The following PRKG1 variants were observed in gnomAD, a reference collection of about 807,000 sequenced individuals.
The protein encoded by PRKG1 is cGMP-dependent protein kinase 1.
A neutral mutation model predicts 88.1 loss-of-function variants in PRKG1; 35 were observed. That is an observed-to-expected ratio of 0.40 (90% CI 0.30 to 0.53). The LOEUF (loss-of-function observed/expected upper bound fraction) is 0.53. PRKG1 is among the 20% of genes least tolerant of loss of function. PRKG1 has a pLI of 0.59. For missense variants in PRKG1, 540 were observed against 839.8 expected (o/e 0.64, Z 4.41); for synonymous variants, 303 against 292.5 (o/e 1.04, Z -0.37).
At position 51,412,215 on chromosome 10, in the gene PRKG1, A is replaced by AGAGAGAGAGAGAGAGAG. The variant is rs1564483266; in HGVS notation, c.479-55508_479-55507insGAGAGAGAGAGAGAGAG. Among the ~76,000 whole-genome samples the AGAGAGAGAGAGAGAGAG allele has an allele frequency of 1.6e-4, 19 of 120,246 alleles. 2 individuals are homozygous for AGAGAGAGAGAGAGAGAG. The highest frequency in any genetic ancestry group is 7.6e-4 in the African/African-American group (19 of 24,986). 78.9% of individuals were successfully genotyped at this position (120,246 alleles called of 152,430 possible). A position where few individuals can be genotyped will look rare whatever the true frequency, so the allele number is the denominator to read the frequency against. On this transcript the variant is annotated intron_variant, in intron 2 of 17. Coordinates refer to ENST00000373980, the MANE Select transcript of PRKG1 (RefSeq NM_006258.4). ...AGAGAGAGAGAGAGAGAGAGAGAGA[A>AGAGAGAGAGAGAGAGAG]AGAAAGAGAGAAAGAATTGTTCAGA...
chr10:52,113,868 C>T (rs1847625145), intron 7 of PRKG1, among the ~76,000 whole-genome samples: 1 of 152,130 alleles, frequency 6.6e-6, no homozygotes, highest in Admixed American at 6.6e-5. Flanking sequence ...ATCTATTGAG[C>T]ACTGTCTTGT....
At position 51,606,723 on chromosome 10, in the gene PRKG1, C is replaced by T. The variant is rs572587590; in HGVS notation, c.592+138887C>T. Among the ~76,000 whole-genome samples the T allele has an allele frequency of 4.6e-5, 7 of 152,160 alleles. No homozygotes were observed. The East Asian group carries it at 9.6e-4, about 21-fold the overall frequency. Reference sequence around the variant, plus strand: ...AGGGAGATGTTTTATTTTGGTAAAGCGCGTCTTCTATCATCATTTCTTAAA... The same window carrying T: ...AGGGAGATGTTTTATTTTGGTAAAGTGCGTCTTCTATCATCATTTCTTAAA... On this transcript the variant is annotated intron_variant, in intron 3 of 17. Coordinates refer to ENST00000373980, the MANE Select transcript of PRKG1 (RefSeq NM_006258.4).
At chr10:51,959,189 A>G (rs1262862007) in intron 5 of PRKG1, among the ~76,000 whole-genome samples, 1 of 152,182 alleles carries the variant, frequency 6.6e-6, no homozygotes, top group African/African-American at 2.4e-5. Flanking sequence ...TCTCTCATAG[A>G]CTAGACACTC....
At chr10:51,230,091 T>G (rs897855080) in intron 2 of PRKG1, among the ~76,000 whole-genome samples, 1 of 152,120 alleles carries the variant, frequency 6.6e-6, no homozygotes, top group East Asian at 1.9e-4. Flanking sequence ...TTAGTAATAA[T>G]AAAAACTAGA....
At chr10:51,933,217 G>A (rs569327854) in intron 5 of PRKG1, among the ~76,000 whole-genome samples, 2 of 152,260 alleles carry the variant, frequency 1.3e-5, no homozygotes, top group Non-Finnish European at 2.9e-5. Flanking sequence ...AGCTCTTGCT[G>A]TGCAGGAATA....
At chr10:51,381,851 C>T (rs1023817056) in intron 2 of PRKG1, among the ~76,000 whole-genome samples, 1 of 152,128 alleles carries the variant, frequency 6.6e-6, no homozygotes, top group African/African-American at 2.4e-5. Flanking sequence ...CATGGAAGTC[C>T]TATCATACAA....
At position 52,043,843 on chromosome 10, in the gene PRKG1, A is replaced by C. The variant is rs945231852; in HGVS notation, c.763-10641A>C. Among the ~76,000 whole-genome samples, 4 of 150,926 alleles carry C rather than the reference A, an allele frequency of 2.7e-5. No homozygotes were observed. In the South Asian group the frequency reaches 8.5e-4, roughly 32 times the overall value. ...CATCAATTAAAAGAAAAACTTAAAAAATTTTGGAAAAAAAAACCAAGGATT... is the reference window on the plus strand; with the variant it reads ...CATCAATTAAAAGAAAAACTTAAAACATTTTGGAAAAAAAAACCAAGGATT... On this transcript the variant is annotated intron_variant, in intron 5 of 17. Transcript: ENST00000373980.
At chr10:51,276,666 G>A (rs1219452599) in intron 2 of PRKG1, among the ~76,000 whole-genome samples, 1 of 152,238 alleles carries the variant, frequency 6.6e-6, no homozygotes. Context: ...TCTAACTGGT[G>A]TGAGATGGTA....
At position 52,298,007 on chromosome 10, in the gene PRKG1, G is replaced by A. The variant is rs1257050818; in HGVS notation, c.*4107G>A. The A allele has an allele frequency of 6.6e-6, 1 of 152,132 alleles. No individual in the cohort carries two copies. Among genetic ancestry groups the A allele is most frequent in the African/African-American group, 2.4e-5 (1 of 41,424 alleles). The allele number at this position is 152,132 out of a possible 1,614,324, so 9.4% of individuals were successfully genotyped here. On this transcript the variant is annotated 3_prime_UTR_variant, in exon 18 of 18. Coordinates refer to ENST00000373980, the MANE Select transcript of PRKG1 (RefSeq NM_006258.4). ...CTGGGACCTTGGCAATGACTCAGAG[G>A]TTGGGGCTTTCTGAGTAAAGGGACA...
At chr10:51,546,754 G>T (rs1156371346) in intron 3 of PRKG1, among the ~76,000 whole-genome samples, 2 of 151,994 alleles carry the variant, frequency 1.3e-5, no homozygotes, top group African/African-American at 2.4e-5. Context: ...CTTATCCACA[G>T]TTTTATCTGT....
At chr10:51,875,097 A>C (rs1841260242) in intron 4 of PRKG1, among the ~76,000 whole-genome samples, 1 of 152,166 alleles carries the variant, frequency 6.6e-6, no homozygotes. Flanking sequence ...GATTAGAAGA[A>C]AACAACATAA....
intron 3 of PRKG1, among the ~76,000 whole-genome samples, chr10:51,726,317 T>C (rs992118106): frequency 4.6e-5 from 7 of 152,234 alleles, no homozygotes; most frequent in South Asian, 2.1e-4. Flanking sequence ...ATTTTATGCA[T>C]TTTTGGCAAA....
At chr10:51,987,258 G>A (rs1030047283) in intron 5 of PRKG1, among the ~76,000 whole-genome samples, 1 of 151,696 alleles carries the variant, frequency 6.6e-6, no homozygotes, top group Non-Finnish European at 1.5e-5. Context: ...GTTCAATGAT[G>A]TATGTACTTT....
At chr10:51,408,740 C>T (rs927859536) in intron 2 of PRKG1, among the ~76,000 whole-genome samples, 1 of 152,192 alleles carries the variant, frequency 6.6e-6, no homozygotes, top group African/African-American at 2.4e-5. Context: ...GCCACCATGG[C>T]CACTTTGTTC....
intron 3 of PRKG1, among the ~76,000 whole-genome samples, chr10:51,694,585 T>C (rs994507400): frequency 1.3e-5 from 2 of 152,194 alleles, no homozygotes; most frequent in Admixed American, 6.6e-5. Context: ...CTGATTAAAG[T>C]TGATCATTTC....
chr10:52,200,497 G>A (rs1365245010), intron 9 of PRKG1, among the ~76,000 whole-genome samples: 2 of 152,108 alleles, frequency 1.3e-5, no homozygotes, highest in Non-Finnish European at 2.9e-5. Context: ...CTTTGCTATT[G>A]TGAATGGTGC....
intron 3 of PRKG1, among the ~76,000 whole-genome samples, chr10:51,744,447 C>G (rs998022991): frequency 1.3e-5 from 2 of 152,120 alleles, no homozygotes; most frequent in African/African-American, 4.8e-5. Context: ...AGAGAGGAAC[C>G]ACAGCCAGTT....
chr10:51,458,570 T>A lies in PRKG1; in HGVS notation c.479-9153T>A, dbSNP rs181119044. ...TTATATATTAATACTGTGAAGCAGG[T>A]AGTTATTATTCCCATTGCATTGTTG... On this transcript the variant is annotated intron_variant, in intron 2 of 17. Coordinates refer to ENST00000373980, the MANE Select transcript of PRKG1 (RefSeq NM_006258.4). Among the ~76,000 whole-genome samples the A allele has an allele frequency of 2.6e-5, 4 of 152,244 alleles. No homozygotes were observed. In the East Asian group the frequency reaches 5.8e-4, roughly 22 times the overall value.
intron 7 of PRKG1, among the ~76,000 whole-genome samples, chr10:52,117,292 C>A (rs1847713064): frequency 1.3e-5 from 2 of 150,666 alleles, no homozygotes; most frequent in South Asian, 4.2e-4. Context: ...AAAATACCTT[C>A]CTTAGTTTAT....
Sources: gnomAD v4.1 joint callset for allele counts (sites outside exome capture counted in the v4.1 genomes callset) on GRCh38, gnomAD v4.1.1 for gene constraint, MANE v1.5 for transcripts, NCBI Gene and HGNC (gene_info 2026-07-23, HGNC 2026-07-21) for gene names.